The following SETD1A variants were observed in gnomAD, a reference collection of about 807,000 sequenced individuals.
SETD1A encodes histone-lysine N-methyltransferase SETD1A.
In SETD1A, 29 loss-of-function variants were observed where a neutral mutation model predicts 149.9. That is an observed-to-expected ratio of 0.19 (90% confidence interval 0.14 to 0.26). The LOEUF (loss-of-function observed/expected upper bound fraction) is 0.26. SETD1A is among the 10% of genes least tolerant of loss of function. The probability of loss-of-function intolerance (pLI) is 1.00; values close to 1 mark genes in which losing one functional copy is unlikely to be tolerated. For missense variants in SETD1A, 2,109 were observed against 2,353.1 expected (o/e 0.90, Z 2.15); for synonymous variants, 1,141 against 968.5 (o/e 1.18, Z -3.31).
Position 30,981,197 on chromosome 16 carries a change from A to G in SETD1A, c.4812+17A>G. The G allele has an allele frequency of 2.5e-6, 4 of 1,613,498 alleles. No individual in the cohort carries two copies. The highest frequency in any genetic ancestry group is 3.4e-6 in the Non-Finnish European group (4 of 1,179,586). Reference sequence around the variant, plus strand: ...ATCCGTCAGGTGAGGCTGCACTCCCAGCCCCGCCCCGGCTTCTGATGCAAC... The same window carrying G: ...ATCCGTCAGGTGAGGCTGCACTCCCGGCCCCGCCCCGGCTTCTGATGCAAC... On this transcript the variant is annotated intron_variant, in intron 17 of 18. Transcript: ENST00000262519.
chr16:30,983,975 G>A lies in SETD1A; in HGVS notation c.5076G>A (p.Lys1692=), dbSNP rs2056420138. The A allele has an allele frequency of 2.5e-6, 4 of 1,614,120 alleles. No individual in the cohort carries two copies. Among genetic ancestry groups the A allele is most frequent in the Non-Finnish European group, 3.4e-6 (4 of 1,180,004 alleles). The change falls in exon 19 of 19, where the codon AAG becomes AAA. Residue 1692 remains lysine, a synonymous_variant. Transcript: ENST00000262519. The surrounding 1 kb of genome is among the most constrained non-coding windows in gnomAD (Gnocchi z 6.8). ...YDYKFPLEDN[K]IPCLCGTESC... ...ACAAGTTCCCACTGGAAGACAACAAGATCCCGTGTCTGTGTGGCACAGAGA... is the reference window on the plus strand; with the variant it reads ...ACAAGTTCCCACTGGAAGACAACAAAATCCCGTGTCTGTGTGGCACAGAGA...
rs372313005 is a variant in SETD1A, at chr16:30,979,599, G to A, written c.3813G>A (p.Leu1271=). The A allele has an allele frequency of 6.2e-7, 1 of 1,611,010 alleles. No individual in the cohort carries two copies. The highest frequency in any genetic ancestry group is 8.5e-7 in the Non-Finnish European group (1 of 1,179,710). Residue 1271 remains leucine, a synonymous_variant, in exon 14 of 19, where the codon CTG becomes CTA. Coordinates refer to ENST00000262519, the MANE Select transcript of SETD1A (RefSeq NM_014712.3). ...LTPARRGLPA[L]PAVEDSEATE... is the part of the protein sequence containing the mutation. ...CTGCCCGGCGCGGGCTGCCTGCCCT[G>A]CCTGCTGTTGAAGACTCAGAGGCCA...
At chr16:30,970,615 T>G (rs1000525494) in intron 12 of SETD1A, among the ~76,000 whole-genome samples, 3 of 152,116 alleles carry the variant, frequency 2.0e-5, no homozygotes, top group African/African-American at 7.2e-5. Flanking sequence ...TCTGTCCTTC[T>G]CCCTCTGTTC....
chr16:30,974,084 C>T (rs1231563607), intron 13 of SETD1A, among the ~76,000 whole-genome samples: 5 of 152,116 alleles, frequency 3.3e-5, no homozygotes, highest in Non-Finnish European at 1.5e-5. Flanking sequence ...GAACCAAAGC[C>T]GAGCGGTTCT....
At chr16:30,978,899 A>C (rs977384961) in intron 13 of SETD1A, among the ~76,000 whole-genome samples, 19 of 152,164 alleles carry the variant, frequency 1.2e-4, no homozygotes, top group African/African-American at 4.6e-4. Flanking sequence ...AGGACATGGA[A>C]GGTGTGTGTG....
At position 30,963,536 on chromosome 16, in the gene SETD1A, G is replaced by C. The variant is rs141357385; in HGVS notation, c.621G>C (p.Ser207=). 6.2e-7 allele frequency: 1 copy of C among 1,612,842 alleles called. No individual in the cohort carries two copies. The highest frequency in any genetic ancestry group is 1.3e-5 in the African/African-American group (1 of 74,854). ...GKALSEKFQG[S]GAATETAESR... ...CCCTGAGTGAGAAGTTCCAAGGCTC[G>C]GGTGCAGCCACTGAGACGGTGAGAA... The change falls in exon 5 of 19, where the codon TCG becomes TCC. Residue 207 remains serine (S), a synonymous_variant. Transcript: ENST00000262519.
Position 30,961,572 on chromosome 16 carries a change from C to T in SETD1A, c.517+35C>T, listed in dbSNP as rs2056052734. The T allele has an allele frequency of 6.2e-7, 1 of 1,605,278 alleles. No individual in the cohort carries two copies. Among genetic ancestry groups the T allele is most frequent in the East Asian group, 2.2e-5 (1 of 44,848 alleles). ...CCTCTGCCTGCCACTCAGGCTTGGCCTCCAGCGGAGGTTGTACATGCAAAT... is the reference window on the plus strand; with the variant it reads ...CCTCTGCCTGCCACTCAGGCTTGGCTTCCAGCGGAGGTTGTACATGCAAAT... On this transcript the variant is annotated intron_variant, in intron 4 of 18. Coordinates refer to ENST00000262519, the MANE Select transcript of SETD1A (RefSeq NM_014712.3). The surrounding 1 kb of genome is among the most constrained non-coding windows in gnomAD (Gnocchi z 4.0).
chr16:30,982,579 A>C (rs1044397587), intron 17 of SETD1A, among the ~76,000 whole-genome samples: 5 of 151,578 alleles, frequency 3.3e-5, no homozygotes, highest in Admixed American at 6.6e-5. Context: ...CCCAGACCGC[A>C]CGGGCTTGGG....
intron 13 of SETD1A, 80 bp downstream of exon 13, chr16:30,971,799 G>GTACAAGTGTGTT: frequency 3.4e-6 from 5 of 1,454,956 alleles, no homozygotes; most frequent in Non-Finnish European, 3.6e-6. Context: ...CATTTATTGT[G>GTACAAGTGTGTT]TACAAGTGTG....
chr16:30,983,834 G>A lies in SETD1A; in HGVS notation c.4951-16G>A, dbSNP rs1180670635. On this transcript the variant is annotated splice_polypyrimidine_tract_variant and intron_variant, in intron 18 of 18. Coordinates refer to ENST00000262519, the MANE Select transcript of SETD1A (RefSeq NM_014712.3). This position sits in a 1 kb window ranked among gnomAD's most constrained non-coding sequence, Gnocchi z 6.8. ...CGGTGGGGGTGGCCACGGCTCACAC[G>A]CCCTTCCATCCGCAGCCTAACTGCT... 12 of 1,610,184 alleles carry A rather than the reference G, an allele frequency of 7.5e-6. No individual in the cohort carries two copies. Among genetic ancestry groups the A allele is most frequent in the South Asian group, 2.2e-5 (2 of 90,700 alleles).
In SETD1A at chr16:30,966,873, G is replaced by T; in HGVS notation, c.2506-11G>T. 1 of 1,546,064 alleles carries T rather than the reference G, an allele frequency of 6.5e-7. No individual in the cohort carries two copies. The highest frequency in any genetic ancestry group is 1.4e-5 in the African/African-American group (1 of 72,984). On this transcript the variant is annotated splice_polypyrimidine_tract_variant and intron_variant, in intron 8 of 18. Coordinates refer to ENST00000262519, the MANE Select transcript of SETD1A (RefSeq NM_014712.3). Reference sequence around the variant, plus strand: ...CTGGGCGCTGGGGCTCAGCCCCACTGCTGCCTGCAGCCATTCCAGAACGCG... The same window carrying T: ...CTGGGCGCTGGGGCTCAGCCCCACTTCTGCCTGCAGCCATTCCAGAACGCG...
At position 30,984,017 on chromosome 16, in the gene SETD1A, A is replaced by C; in HGVS notation, c.5118A>C (p.Leu1706=). Residue 1706 remains leucine, a synonymous_variant, in exon 19 of 19, where the codon CTA becomes CTC. Transcript: ENST00000262519. ...LCGTESCRGS[L]N ...GCACAGAGAGCTGCCGGGGCTCCCTAAACTGAGGTGGGGCAGGATGGGTGC... is the reference window on the plus strand; with the variant it reads ...GCACAGAGAGCTGCCGGGGCTCCCTCAACTGAGGTGGGGCAGGATGGGTGC... 2 of 1,612,476 alleles carry C rather than the reference A, an allele frequency of 1.2e-6. No individual in the cohort carries two copies. Among genetic ancestry groups the C allele is most frequent in the African/African-American group, 2.7e-5 (2 of 75,034 alleles).
At chr16:30,981,217 T>G in intron 17 of SETD1A, 37 bp downstream of exon 17, 1 of 1,612,196 alleles carries the variant, frequency 6.2e-7, no homozygotes, top group Non-Finnish European at 8.5e-7. Flanking sequence ...CGGCTTCTGA[T>G]GCAACAAGAC....
chr16:30,979,182 TC>T lies in SETD1A; in HGVS notation c.3401del (p.Pro1134GlnfsTer128). On this transcript the variant is annotated frameshift_variant, in exon 14 of 19. Transcript: ENST00000262519. LOFTEE classifies it high-confidence loss of function. ...EESPPSAPLR[P>X]PEPPAGPPAP... ...AGTCACCCCCCAGTGCGCCTCTGCG[TC>T]CCCCAGAACCACCTGCTGGGCCCCC... is the stretch of plus-strand genomic sequence containing the variant. 6.3e-7 allele frequency: 1 copy of T among 1,587,344 alleles called. No homozygotes were observed. Among genetic ancestry groups the T allele is most frequent in the Non-Finnish European group, 8.6e-7 (1 of 1,167,472 alleles).
At position 30,965,130 on chromosome 16, in the gene SETD1A, C is replaced by T. The variant is rs1249847195; in HGVS notation, c.1388C>T (p.Ala463Val). ...GAAGTTCGGACTTCCCCCCGCCCAG[C>T]CTCCCCTGCCCGCTCTGGCTCCCCA... is the stretch of plus-strand genomic sequence containing the variant. ...REEVRTSPRPASPARSGSPAP... is the reference protein window; with the variant it reads ...REEVRTSPRPVSPARSGSPAP... The change falls in exon 7 of 19, where the codon GCC (alanine) becomes GTC (valine). Residue 463 changes from alanine (A) to valine (V), a missense_variant. By Grantham distance (64) the Ala-to-Val change is moderately conservative (BLOSUM62 0). Coordinates refer to ENST00000262519, the MANE Select transcript of SETD1A (RefSeq NM_014712.3). 1 of 1,612,534 alleles carries T rather than the reference C, an allele frequency of 6.2e-7. No homozygotes were observed. The highest frequency in any genetic ancestry group is 1.3e-5 in the African/African-American group (1 of 75,058).
intron 9 of SETD1A, 60 bp from the exon 10 acceptor site, chr16:30,967,441 A>G (rs2056163480): frequency 3.4e-6 from 5 of 1,492,038 alleles, no homozygotes; most frequent in Non-Finnish European, 4.7e-6. Context: ...GGAGTGAGCC[A>G]CCGTGCTCTG....
rs745869182 is a variant in SETD1A, at chr16:30,958,820, C to T, written c.89C>T (p.Pro30Leu). The T allele has an allele frequency of 2.5e-5, 41 of 1,614,090 alleles. No homozygotes were observed. Among genetic ancestry groups the T allele is most frequent in the Non-Finnish European group, 3.5e-5 (41 of 1,180,014 alleles). The change falls in exon 2 of 19, where the codon CCT (proline) becomes CTT (leucine). Residue 30 changes from proline (P) to leucine (L), a missense_variant. Transcript: ENST00000262519. The part of the protein sequence containing the change: ...YKLIVDPALD[P>L]ALRRPSQKVY... ...CTCATCGTGGATCCTGCCTTGGACC[C>T]TGCCCTGCGCAGGCCTTCTCAGAAG...
Position 30,979,429 on chromosome 16 carries a change from G to A in SETD1A, c.3643G>A (p.Ala1215Thr), listed in dbSNP as rs1246395904. Residue 1215 changes from alanine to threonine, a missense_variant, in exon 14 of 19, where the codon GCA (alanine) becomes ACA (threonine). By Grantham distance (58) the Ala-to-Thr change is moderately conservative. This residue lies in a region of SETD1A where 832 missense variants were observed against 815.6 expected (regional missense o/e 1.02). Coordinates refer to ENST00000262519, the MANE Select transcript of SETD1A (RefSeq NM_014712.3). ...CATCCGCAACCTGCCCCTGGACCAC[G>A]CATCTCTGGTCAAGAGTTGGCCCGA... is the stretch of plus-strand genomic sequence containing the variant. The part of the protein sequence containing the change: ...RTIRNLPLDH[A>T]SLVKSWPEEV... 3 of 1,609,098 alleles carry A rather than the reference G, an allele frequency of 1.9e-6. No homozygotes were observed. The highest frequency in any genetic ancestry group is 1.7e-5 in the Admixed American group (1 of 59,214).
chr16:30,959,792 C>G (rs999231436), intron 3 of SETD1A, among the ~76,000 whole-genome samples: 2 of 148,920 alleles, frequency 1.3e-5, no homozygotes, highest in Non-Finnish European at 3.0e-5. Context: ...CTTGGACAAT[C>G]TCTTTCACAC....
Sources: gnomAD v4.1 joint callset for allele counts (sites outside exome capture counted in the v4.1 genomes callset) on GRCh38, gnomAD v4.1.1 for gene constraint, gnomAD v4.1.1 regional missense constraint, Gnocchi (gnomAD v3.1) non-coding constraint, MANE v1.5 for transcripts, NCBI Gene and HGNC (gene_info 2026-07-23, HGNC 2026-07-21) for gene names.